Variants in FGFR1OP2 observed in about 807,000 individuals in gnomAD.
FGFR1OP2 encodes fibroblast growth factor receptor 1 oncogene partner 2.
Under a neutral mutation model 35.2 loss-of-function variants are expected in FGFR1OP2, and 17 were observed. That is an observed-to-expected ratio of 0.48 (90% CI 0.33 to 0.73). The LOEUF is 0.73. Among genes scored for constraint, FGFR1OP2 ranks in the 30% least tolerant of loss-of-function variants. The probability of loss-of-function intolerance (pLI) is 0.02; values close to 1 mark genes in which losing one functional copy is unlikely to be tolerated. For missense variants in FGFR1OP2, 251 were observed against 307.3 expected, an observed-to-expected ratio of 0.82 and a Z score of 1.37; for synonymous variants, 105 against 104.6, an observed-to-expected ratio of 1.00 and a Z score of -0.03.
chr12:26,942,661 T>C (rs1050811113), intron 1 of FGFR1OP2, among the ~76,000 whole-genome samples: 2 of 152,220 alleles, frequency 1.3e-5, no homozygotes, highest in Non-Finnish European at 2.9e-5. Context: ...AGATAGTCAT[T>C]TTAAGAGGAC....
intron 1 of FGFR1OP2, among the ~76,000 whole-genome samples, chr12:26,953,232 C>G (rs983626893): frequency 1.4e-5 from 2 of 143,142 alleles, no homozygotes; most frequent in African/African-American, 5.3e-5. Context: ...CCGCTGCACT[C>G]CAGCCAGCCT....
intron 1 of FGFR1OP2, among the ~76,000 whole-genome samples, chr12:26,952,161 AT>A (rs1238904416): frequency 7.1e-6 from 1 of 140,596 alleles, no homozygotes; most frequent in Non-Finnish European, 1.5e-5. Flanking sequence ...CCGATGTTCT[AT>A]AGTAATGGGA....
intron 1 of FGFR1OP2, chr12:26,953,717 A>G (rs1358522004): frequency 6.6e-6 from 1 of 152,534 alleles, no homozygotes; most frequent in Non-Finnish European, 1.5e-5. Flanking sequence ...GTTAGGAAGC[A>G]TTCTTACAGT....
At position 26,966,406 on chromosome 12, in the gene FGFR1OP2, A is replaced by AT. The variant is rs2136364186; in HGVS notation, c.*1673_*1674insT. 6.6e-6 allele frequency: 1 copy of AT among 152,268 alleles called. No homozygotes were observed. The highest frequency in any genetic ancestry group is 1.9e-4 in the East Asian group (1 of 5,182). The allele number at this position is 152,268 out of a possible 1,614,324, so 9.4% of individuals were successfully genotyped here. On this transcript the variant is annotated 3_prime_UTR_variant, in exon 7 of 7. Coordinates refer to ENST00000229395, the MANE Select transcript of FGFR1OP2 (RefSeq NM_015633.3). Reference sequence around the variant, plus strand: ...GTTCATTGAGGCAGCTCTACTATAAAAGCTTACTTGATAAATAATTATTTT... The same window carrying AT: ...GTTCATTGAGGCAGCTCTACTATAAATAGCTTACTTGATAAATAATTATTTT...
rs1939154531 is a variant in FGFR1OP2 at position 26,964,923 on chromosome 12, G to A, written c.*190G>A. 1 of 514,260 alleles carries A rather than the reference G, an allele frequency of 1.9e-6. No homozygotes were observed. The allele number at this position is 514,260 out of a possible 1,614,324, so 31.9% of individuals were successfully genotyped here. On this transcript the variant is annotated 3_prime_UTR_variant, in exon 7 of 7. Transcript: ENST00000229395. ...TATTCCAAAACATAATTGGAAAATAGAAACTGAGCCATTGCCAAATGGTAA... is the reference window on the plus strand; with the variant it reads ...TATTCCAAAACATAATTGGAAAATAAAAACTGAGCCATTGCCAAATGGTAA...
chr12:26,938,500 C>A lies in FGFR1OP2; in HGVS notation c.-225C>A, dbSNP rs1392846645. ...TCCGGGAGCGCCGGTCGGAGGCGGTCGGCGGAGGTGTCTACCCCGCCGGTG... is the reference window on the plus strand; with the variant it reads ...TCCGGGAGCGCCGGTCGGAGGCGGTAGGCGGAGGTGTCTACCCCGCCGGTG... On this transcript the variant is annotated 5_prime_UTR_variant, in exon 1 of 7. Transcript: ENST00000229395. 1 of 152,258 alleles carries A rather than the reference C, an allele frequency of 6.6e-6. No individual in the cohort carries two copies. The allele number at this position is 152,258 out of a possible 1,614,324, so 9.4% of individuals were successfully genotyped here. A position where few individuals can be genotyped will look rare whatever the true frequency, so the allele number is the denominator to read the frequency against.
chr12:26,964,789 T>C lies in FGFR1OP2; in HGVS notation c.*56T>C. On this transcript the variant is annotated 3_prime_UTR_variant, in exon 7 of 7. Transcript: ENST00000229395. ...GGCTCCAAATGGTCAAATAAGTGAATGAATGAATGGACAGAAAATTCAATC... is the reference window on the plus strand; with the variant it reads ...GGCTCCAAATGGTCAAATAAGTGAACGAATGAATGGACAGAAAATTCAATC... The C allele has an allele frequency of 1.3e-6, 2 of 1,563,224 alleles. No homozygotes were observed. Among genetic ancestry groups the C allele is most frequent in the South Asian group, 1.1e-5 (1 of 89,016 alleles).
At chr12:26,954,752 T>C in intron 2 of FGFR1OP2, among the ~76,000 whole-genome samples, 1 of 152,226 alleles carries the variant, frequency 6.6e-6, no homozygotes, top group Middle Eastern at 3.2e-3. Context: ...GTACCCATAC[T>C]TGCTACCTTA....
chr12:26,956,423 T>A (rs1939019973), intron 2 of FGFR1OP2, 120 bp from the exon 3 acceptor site: 1 of 224,324 alleles, frequency 4.5e-6, no homozygotes, highest in Non-Finnish European at 8.8e-6. Flanking sequence ...TTCTGGATAC[T>A]AAGCTCTTAT....
chr12:26,950,473 G>T (rs551743641), intron 1 of FGFR1OP2, among the ~76,000 whole-genome samples: 1 of 151,860 alleles, frequency 6.6e-6, no homozygotes, highest in African/African-American at 2.4e-5. Context: ...TGATCCACCC[G>T]CCTCGGCCTC....
chr12:26,947,174 A>G (rs1047925452), intron 1 of FGFR1OP2, among the ~76,000 whole-genome samples: 1 of 152,188 alleles, frequency 6.6e-6, no homozygotes. Context: ...GTTGGATCAC[A>G]TGTTTAACCT....
At chr12:26,940,165 C>T (rs1457348680) in intron 1 of FGFR1OP2, among the ~76,000 whole-genome samples, 1 of 152,158 alleles carries the variant, frequency 6.6e-6, no homozygotes, top group Admixed American at 6.5e-5. Flanking sequence ...CTACTGACTC[C>T]TTAGCCTGTA....
At position 26,965,021 on chromosome 12, in the gene FGFR1OP2, G is replaced by T; in HGVS notation, c.*288G>T. 1 of 247,672 alleles carries T rather than the reference G, an allele frequency of 4.0e-6. No individual in the cohort carries two copies. The highest frequency in any genetic ancestry group is 7.6e-6 in the Non-Finnish European group (1 of 130,988). 15.3% of individuals were successfully genotyped at this position (247,672 alleles called of 1,614,324 possible). A position where few individuals can be genotyped will look rare whatever the true frequency, so the allele number is the denominator to read the frequency against. ...TGGCAGTACTGCTGGCTTTCTGGGTGATTAATTAGGTAAACTTGAATATTC... is the reference window on the plus strand; with the variant it reads ...TGGCAGTACTGCTGGCTTTCTGGGTTATTAATTAGGTAAACTTGAATATTC... On this transcript the variant is annotated 3_prime_UTR_variant, in exon 7 of 7. Transcript: ENST00000229395.
At chr12:26,950,227 T>G (rs1395818300) in intron 1 of FGFR1OP2, among the ~76,000 whole-genome samples, 1 of 116,036 alleles carries the variant, frequency 8.6e-6, no homozygotes, top group Non-Finnish European at 1.8e-5. Flanking sequence ...TTTTTTTTTT[T>G]TTTTTTTTTT....
At chr12:26,952,919 C>G (rs1286807480) in intron 1 of FGFR1OP2, among the ~76,000 whole-genome samples, 1 of 151,916 alleles carries the variant, frequency 6.6e-6, no homozygotes, top group Non-Finnish European at 1.5e-5. Context: ...TGAGGAAACC[C>G]TGAAGAAAGG....
chr12:26,949,279 G>A (rs760485678), intron 1 of FGFR1OP2, among the ~76,000 whole-genome samples: 1 of 151,950 alleles, frequency 6.6e-6, no homozygotes, highest in Non-Finnish European at 1.5e-5. Flanking sequence ...CAGATTACAG[G>A]CTTGCACCAC....
intron 1 of FGFR1OP2, among the ~76,000 whole-genome samples, chr12:26,949,816 G>C (rs569649341): frequency 6.6e-6 from 1 of 152,256 alleles, no homozygotes; most frequent in African/African-American, 2.4e-5. Flanking sequence ...CTGACCTCAG[G>C]TGATCCACCT....
At chr12:26,958,480 A>G (rs1939056912) in intron 4 of FGFR1OP2, among the ~76,000 whole-genome samples, 1 of 152,216 alleles carries the variant, frequency 6.6e-6, no homozygotes, top group South Asian at 2.1e-4. Context: ...TTTAATGTAG[A>G]TTTTTCTTAA....
chr12:26,946,955 T>C (rs1310613155), intron 1 of FGFR1OP2, among the ~76,000 whole-genome samples: 1 of 152,136 alleles, frequency 6.6e-6, no homozygotes. Context: ...CTTCTTTCAC[T>C]GAGCATAATT....
Sources: allele counts gnomAD v4.1 joint callset (sites outside exome capture counted in the v4.1 genomes callset), GRCh38; gene constraint gnomAD v4.1.1; transcripts MANE v1.5; gene names NCBI Gene and HGNC (gene_info 2026-07-23, HGNC 2026-07-21).